LRMDA: variants seen among roughly 807,000 people sequenced by gnomAD.
LRMDA encodes leucine rich melanocyte differentiation associated.
A neutral mutation model predicts 29.8 loss-of-function variants in LRMDA; 18 were observed. That is an observed-to-expected ratio of 0.60 (90% CI 0.42 to 0.90). LRMDA has a LOEUF of 0.90. LRMDA is among the 40% of genes least tolerant of loss of function. The pLI is 0.00. For missense variants in LRMDA, 273 were observed against 273.9 expected (o/e 1.00, Z 0.02); for synonymous variants, 125 against 109.4 (o/e 1.14, Z -0.89).
Position 75,431,711 on chromosome 10 carries a change from G to C in LRMDA, c.-14G>C. 7.6e-7 allele frequency: 1 copy of C among 1,322,456 alleles called. No individual in the cohort carries two copies. Among genetic ancestry groups the C allele is most frequent in the Non-Finnish European group, 9.6e-7 (1 of 1,038,398 alleles). 81.9% of individuals were successfully genotyped at this position (1,322,456 alleles called of 1,614,324 possible). On this transcript the variant is annotated 5_prime_UTR_variant, in exon 1 of 7. Coordinates refer to ENST00000611255, the MANE Select transcript of LRMDA (RefSeq NM_001305581.2). ...CCGCGCTCCGTCCCGCGCGCCCGCA[G>C]CGTCCTGGCCGCCATGGCCGGGCTC...
intron 5 of LRMDA, among the ~76,000 whole-genome samples, chr10:76,109,718 C>T (rs1849545524): frequency 6.6e-6 from 1 of 152,186 alleles, no homozygotes; most frequent in African/African-American, 2.4e-5. Flanking sequence ...AGCTTAATTC[C>T]CTCCATGTTG....
chr10:76,413,600 C>G (rs970819640), intron 6 of LRMDA, among the ~76,000 whole-genome samples: 1 of 152,156 alleles, frequency 6.6e-6, no homozygotes, highest in East Asian at 1.9e-4. Context: ...ATGGGAGTTA[C>G]AGTTCAAGAT....
intron 5 of LRMDA, among the ~76,000 whole-genome samples, chr10:76,182,497 A>G (rs1213275664): frequency 6.6e-6 from 1 of 152,206 alleles, no homozygotes; most frequent in African/African-American, 2.4e-5. Context: ...TGAACAGACG[A>G]TGCTATTGTA....
At chr10:76,371,571 A>G (rs1239546094) in intron 6 of LRMDA, among the ~76,000 whole-genome samples, 1 of 152,172 alleles carries the variant, frequency 6.6e-6, no homozygotes, top group African/African-American at 2.4e-5. Context: ...AGTGTTGGTT[A>G]TGCTATAAAT....
At chr10:75,577,210 T>TG (rs1454534628) in intron 2 of LRMDA, among the ~76,000 whole-genome samples, 28 of 152,024 alleles carry the variant, frequency 1.8e-4, no homozygotes, top group Admixed American at 1.8e-3. Flanking sequence ...CTGATGGAGC[T>TG]GAAAAACACA....
intron 5 of LRMDA, among the ~76,000 whole-genome samples, chr10:76,247,081 C>T (rs1391329043): frequency 1.3e-5 from 2 of 152,198 alleles, no homozygotes; most frequent in Non-Finnish European, 2.9e-5. Flanking sequence ...TGTCTTACCT[C>T]CTCTGTCCCT....
intron 2 of LRMDA, among the ~76,000 whole-genome samples, chr10:75,741,280 T>A (rs757372695): frequency 2.0e-5 from 3 of 152,108 alleles, no homozygotes; most frequent in Non-Finnish European, 4.4e-5. Context: ...AGGACTGAGG[T>A]CCCTGTTTTC....
At chr10:75,837,158 G>A (rs1170092835) in intron 2 of LRMDA, among the ~76,000 whole-genome samples, 2 of 152,140 alleles carry the variant, frequency 1.3e-5, no homozygotes, top group African/African-American at 4.8e-5. Context: ...AGATGTATAA[G>A]GCTTGAAACT....
At position 76,037,054 on chromosome 10, in the gene LRMDA, G is replaced by A. The variant is rs1305591215; in HGVS notation, c.258+920G>A. Among the ~76,000 whole-genome samples, 4 of 152,158 alleles carry A rather than the reference G, an allele frequency of 2.6e-5. No individual in the cohort carries two copies. In the East Asian group the frequency reaches 7.7e-4, roughly 29 times the overall value. ...CTCCTAGGAATGAGGCATGGTGCTGGGTTCTTTATGTGTGTTGTTATTCAT... is the reference window on the plus strand; with the variant it reads ...CTCCTAGGAATGAGGCATGGTGCTGAGTTCTTTATGTGTGTTGTTATTCAT... On this transcript the variant is annotated intron_variant, in intron 3 of 6. Transcript: ENST00000611255.
chr10:75,600,967 A>G (rs1840877926), intron 2 of LRMDA, among the ~76,000 whole-genome samples: 1 of 152,358 alleles, frequency 6.6e-6, no homozygotes, highest in East Asian at 1.9e-4. Flanking sequence ...TCCAGAGCTG[A>G]GCCAAGGCTG....
intron 5 of LRMDA, among the ~76,000 whole-genome samples, chr10:76,222,065 T>G (rs1415365028): frequency 6.6e-6 from 1 of 152,002 alleles, no homozygotes; most frequent in Non-Finnish European, 1.5e-5. Flanking sequence ...TGGCTAGCCA[T>G]ATGTAGAAAG....
At chr10:75,644,308 T>G (rs1841489280) in intron 2 of LRMDA, among the ~76,000 whole-genome samples, 1 of 152,154 alleles carries the variant, frequency 6.6e-6, no homozygotes, top group Non-Finnish European at 1.5e-5. Context: ...GGCATCACAA[T>G]TAAGGAGGGA....
intron 2 of LRMDA, among the ~76,000 whole-genome samples, chr10:75,588,531 C>G (rs1840682929): frequency 6.6e-6 from 1 of 152,184 alleles, no homozygotes; most frequent in Admixed American, 6.5e-5. Context: ...GCCTTCTCTT[C>G]CCTATTTTGG....
intron 5 of LRMDA, among the ~76,000 whole-genome samples, chr10:76,316,751 G>C (rs893939545): frequency 4.6e-5 from 7 of 152,178 alleles, no homozygotes; most frequent in Non-Finnish European, 8.8e-5. Context: ...TATGTTCTAT[G>C]TTTGAATATA....
chr10:76,062,389 T>G (rs1420799641), intron 5 of LRMDA, among the ~76,000 whole-genome samples: 1 of 152,192 alleles, frequency 6.6e-6, no homozygotes, highest in African/African-American at 2.4e-5. Context: ...TGTTCTCGGC[T>G]GACACAAATG....
At chr10:76,183,087 C>T (rs555922494) in intron 5 of LRMDA, among the ~76,000 whole-genome samples, 1 of 152,184 alleles carries the variant, frequency 6.6e-6, no homozygotes, top group Non-Finnish European at 1.5e-5. Context: ...AGTCCCCTCT[C>T]ATTTTCCTTG....
intron 2 of LRMDA, among the ~76,000 whole-genome samples, chr10:75,458,449 A>G (rs949298999): frequency 1.5e-4 from 20 of 136,722 alleles, no homozygotes; most frequent in Non-Finnish European, 5.0e-5. Flanking sequence ...TTCCAATTCA[A>G]TTATGTTTTA....
At chr10:76,285,621 G>A (rs1169407772) in intron 5 of LRMDA, among the ~76,000 whole-genome samples, 1 of 152,018 alleles carries the variant, frequency 6.6e-6, no homozygotes, top group Non-Finnish European at 1.5e-5. Context: ...GCCCCTGAGG[G>A]TCTTTTAGCT....
At chr10:75,686,437 G>T (rs1028104488) in intron 2 of LRMDA, among the ~76,000 whole-genome samples, 3 of 152,174 alleles carry the variant, frequency 2.0e-5, no homozygotes, top group Non-Finnish European at 4.4e-5. Context: ...CATGGTGCTT[G>T]CTTGTTCATA....
Sources: allele counts gnomAD v4.1 joint callset (sites outside exome capture counted in the v4.1 genomes callset), GRCh38; gene constraint gnomAD v4.1.1; transcripts MANE v1.5; gene names NCBI Gene and HGNC (gene_info 2026-07-23, HGNC 2026-07-21).